TCF4: variants seen among roughly 807,000 people sequenced by gnomAD.
TCF4 encodes the protein transcription factor 4, also known as SL3-3 enhancer factor 2.
TCF4 carries 3 observed loss-of-function variants against 82.1 expected under a neutral mutation model. The observed-to-expected ratio is 0.04, with a 90% confidence interval of 0.02 to 0.09. The LOEUF is 0.09. Ranked by LOEUF, TCF4 falls within the 10% of genes least tolerant of loss-of-function variation. TCF4 has a pLI of 1.00. For synonymous variants in TCF4, 276 were observed against 309.6 expected (o/e 0.89, Z 1.14); for missense variants, 518 against 852.7 (o/e 0.61, Z 4.89).
chr18:55,520,745 G>C (rs1485336215), intron 3 of TCF4, among the ~76,000 whole-genome samples: 1 of 152,142 alleles, frequency 6.6e-6, no homozygotes, highest in Non-Finnish European at 1.5e-5. Flanking sequence ...AGGTTAAGGA[G>C]AAAATACCAA....
At chr18:55,586,525 T>C (rs987912986) in intron 2 of TCF4, among the ~76,000 whole-genome samples, 2 of 152,232 alleles carry the variant, frequency 1.3e-5, no homozygotes, top group African/African-American at 4.8e-5. Flanking sequence ...AGCATATCCA[T>C]ACTAGTTTTA....
chr18:55,613,392 C>A (rs1052790739), intron 2 of TCF4, among the ~76,000 whole-genome samples: 2 of 151,914 alleles, frequency 1.3e-5, no homozygotes, highest in Non-Finnish European at 2.9e-5. Flanking sequence ...TTGTTTTATT[C>A]TTTTGGTCTG....
chr18:55,434,629 C>G (rs12969536), intron 5 of TCF4, among the ~76,000 whole-genome samples: 94,817 of 149,870 alleles, frequency 0.63, 30,874 homozygotes, highest in Non-Finnish European at 0.7. Flanking sequence ...GGGTTTCACC[C>G]TGTTAGCCAG....
intron 3 of TCF4, among the ~76,000 whole-genome samples, chr18:55,487,201 G>T (rs1466390149): frequency 6.6e-6 from 1 of 152,064 alleles, no homozygotes; most frequent in African/African-American, 2.4e-5. Flanking sequence ...GTCGAGTCTC[G>T]TGTCTTTCCT....
At chr18:55,573,340 C>CA (rs554292777) in intron 3 of TCF4, among the ~76,000 whole-genome samples, 7 of 151,652 alleles carry the variant, frequency 4.6e-5, no homozygotes, top group Non-Finnish European at 1.0e-4. Flanking sequence ...GAATGCTCCC[C>CA]AATGACCTAA....
intron 3 of TCF4, among the ~76,000 whole-genome samples, chr18:55,481,364 C>T (rs550851939): frequency 1.4e-4 from 21 of 152,234 alleles, no homozygotes; most frequent in Non-Finnish European, 2.1e-4. Flanking sequence ...TCAATGAAAA[C>T]AATCATTCAT....
chr18:55,627,588 AC>A (rs1476605428), intron 2 of TCF4, among the ~76,000 whole-genome samples: 41 of 150,792 alleles, frequency 2.7e-4, no homozygotes, highest in African/African-American at 9.8e-4. Context: ...ACATGGTGAA[AC>A]CCCCGTCTTT....
intron 2 of TCF4, among the ~76,000 whole-genome samples, chr18:55,623,609 T>A (rs144110613): frequency 3.2e-4 from 49 of 152,322 alleles, no homozygotes; most frequent in African/African-American, 1.1e-3. Flanking sequence ...GTGACTGAAA[T>A]TGCATGAATA....
At chr18:55,321,965 T>C (rs1177145303) in intron 8 of TCF4, 4 of 1,319,086 alleles carry the variant, frequency 3.0e-6, no homozygotes, top group Non-Finnish European at 3.9e-6. Flanking sequence ...AGCCCGGCCC[T>C]GATGGAGCTC....
At chr18:55,230,348 A>G (rs976488880) in intron 17 of TCF4, 2 of 152,278 alleles carry the variant, frequency 1.3e-5, no homozygotes, top group African/African-American at 4.8e-5. Context: ...CCTGGAAAGC[A>G]TATCATATGA....
At chr18:55,387,643 G>T (rs1039847691) in intron 6 of TCF4, among the ~76,000 whole-genome samples, 1 of 152,086 alleles carries the variant, frequency 6.6e-6, no homozygotes, top group Admixed American at 6.6e-5. Context: ...TTACAATGTC[G>T]GGATTCTGTC....
rs902321590 is a variant in TCF4 at position 55,455,300 on chromosome 18, A to C, written c.304+5719T>G. On this transcript the variant is annotated intron_variant, in intron 5 of 19. Transcript: ENST00000354452. ...GACTCCTGACTACCAGCCTTAGCTCAACAATCAAGATTGCTAAAAACACCA... is the reference window on the plus strand; with the variant it reads ...GACTCCTGACTACCAGCCTTAGCTCCACAATCAAGATTGCTAAAAACACCA... Among the ~76,000 whole-genome samples, 11 of 152,104 alleles carry C rather than the reference A, an allele frequency of 7.2e-5. No individual in the cohort carries two copies. In the South Asian group the frequency reaches 1.7e-3, roughly 23 times the overall value.
rs528917903 is a variant in TCF4 at position 55,229,501 on chromosome 18, T to C, written c.1650-425A>G. 1.1e-4 allele frequency: 21 copies of C among 186,588 alleles called. No individual in the cohort carries two copies. In the South Asian group the frequency reaches 1.5e-3, roughly 13 times the overall value. 11.6% of individuals were successfully genotyped at this position (186,588 alleles called of 1,614,324 possible). ...GTTTATACTTTATTTTTTAAATATA[T>C]ATAAAACCTTTCATACCGTGACATC... On this transcript the variant is annotated intron_variant, in intron 17 of 19. Transcript: ENST00000354452.
intron 5 of TCF4, among the ~76,000 whole-genome samples, chr18:55,457,486 C>T (rs1206566644): frequency 6.6e-6 from 1 of 150,620 alleles, no homozygotes; most frequent in Non-Finnish European, 1.5e-5. Flanking sequence ...TTAAAACAAA[C>T]ATTTTATTAC....
intron 3 of TCF4, among the ~76,000 whole-genome samples, chr18:55,480,578 G>T (rs766832428): frequency 5.3e-5 from 8 of 152,148 alleles, no homozygotes; most frequent in Non-Finnish European, 1.2e-4. Flanking sequence ...TTTCAAAGGG[G>T]CCTAACAGAA....
rs78877431 is a variant in TCF4 at position 55,487,877 on chromosome 18, A to G, written c.146-23740T>C. On this transcript the variant is annotated intron_variant, in intron 3 of 19. Transcript: ENST00000354452. ...GGTTTACCCAAGGGATTGTATACAA[A>G]GCTCTCCATTTTCTTAAAAAAAAAA... Among the ~76,000 whole-genome samples the G allele has an allele frequency of 5.2e-3, 798 of 152,242 alleles. 8 individuals carry two copies. Among genetic ancestry groups the G allele is most frequent in the African/African-American group, 0.018 (763 of 41,542 alleles).
At chr18:55,498,700 C>A (rs576884342) in intron 3 of TCF4, among the ~76,000 whole-genome samples, 1 of 152,158 alleles carries the variant, frequency 6.6e-6, no homozygotes. Flanking sequence ...ACCTCAGGGG[C>A]TCCGTCTACT....
chr18:55,499,450 T>C (rs930616752), intron 3 of TCF4, among the ~76,000 whole-genome samples: 3 of 152,238 alleles, frequency 2.0e-5, no homozygotes, highest in African/African-American at 7.2e-5. Flanking sequence ...AGAGGAGTTT[T>C]AGCACAGGGT....
At chr18:55,424,780 C>A (rs937814443) in intron 5 of TCF4, among the ~76,000 whole-genome samples, 2 of 152,098 alleles carry the variant, frequency 1.3e-5, no homozygotes, top group African/African-American at 4.8e-5. Context: ...TCTTTTGATA[C>A]AGTACAAATA....
Sources: gnomAD v4.1 joint callset for allele counts (sites outside exome capture counted in the v4.1 genomes callset) on GRCh38, gnomAD v4.1.1 for gene constraint, MANE v1.5 for transcripts, NCBI Gene and HGNC (gene_info 2026-07-23, HGNC 2026-07-21) for gene names.